Variants in GALNT2 observed in about 807,000 individuals in gnomAD.
GALNT2 encodes the protein polypeptide N-acetylgalactosaminyltransferase 2.
In GALNT2, 31 loss-of-function variants were observed where a neutral mutation model predicts 81.4. The ratio of observed to expected loss-of-function variants is 0.38; its 90% CI spans 0.29 to 0.51. The LOEUF (loss-of-function observed/expected upper bound fraction) is 0.51. Among genes scored for constraint, GALNT2 ranks in the 20% least tolerant of loss-of-function variants. GALNT2 has a pLI of 0.87. For missense variants in GALNT2, 629 were observed against 765.7 expected, an observed-to-expected ratio of 0.82 and a Z score of 2.11; for synonymous variants, 303 against 287.4, an observed-to-expected ratio of 1.05 and a Z score of -0.55.
At chr1:230,071,746 A>G (rs746884292) in intron 1 of GALNT2, among the ~76,000 whole-genome samples, 5 of 152,206 alleles carry the variant, frequency 3.3e-5, no homozygotes, top group Admixed American at 6.5e-5. Flanking sequence ...CAGGGAGGAC[A>G]GTAGCAGGGA....
intron 2 of GALNT2, among the ~76,000 whole-genome samples, chr1:230,182,897 A>G (rs1663205035): frequency 6.6e-6 from 1 of 152,336 alleles, no homozygotes; most frequent in Middle Eastern, 3.4e-3. Context: ...CATGAACTGC[A>G]TGGACATTTT....
At chr1:230,161,183 C>T (rs1199131040) in intron 1 of GALNT2, among the ~76,000 whole-genome samples, 1 of 152,198 alleles carries the variant, frequency 6.6e-6, no homozygotes, top group Non-Finnish European at 1.5e-5. Flanking sequence ...TCACGTGTGC[C>T]TTGTGGTCAA....
In GALNT2 at chr1:230,247,812, A is replaced by G. The variant is rs749028357; in HGVS notation, c.818-1372A>G. 5.3e-5 allele frequency among the ~76,000 whole-genome samples: 8 copies of G among 152,252 alleles called. 1 individual carries two copies. In the South Asian group the frequency reaches 1.7e-3, roughly 32 times the overall value. ...AAATCAAGGATGCCATTCTTAACAG[A>G]TCTTTAATCTGCTATAGCCTCTCTC... On this transcript the variant is annotated intron_variant, in intron 8 of 15. Transcript: ENST00000366672.
chr1:230,270,346 A>G (rs1274093946), intron 14 of GALNT2, among the ~76,000 whole-genome samples: 1 of 152,220 alleles, frequency 6.6e-6, no homozygotes, highest in Non-Finnish European at 1.5e-5. Context: ...GGAGCACCTT[A>G]CTGCCTGGGC....
At chr1:230,115,215 A>G (rs1660810153) in intron 1 of GALNT2, among the ~76,000 whole-genome samples, 1 of 152,066 alleles carries the variant, frequency 6.6e-6, no homozygotes, top group Admixed American at 6.6e-5. Flanking sequence ...TATCTTGGCC[A>G]TGCCGGTCTT....
intron 15 of GALNT2, among the ~76,000 whole-genome samples, chr1:230,277,525 G>C (rs1666333088): frequency 6.6e-6 from 1 of 152,172 alleles, no homozygotes; most frequent in Admixed American, 6.5e-5. Flanking sequence ...CAGCATGAGG[G>C]GTGATTGACA....
At chr1:230,058,937 T>G (rs181188057) in intron 1 of GALNT2, among the ~76,000 whole-genome samples, 1 of 152,306 alleles carries the variant, frequency 6.6e-6, no homozygotes, top group Non-Finnish European at 1.5e-5. Context: ...CTTCCATATC[T>G]TCTTTTTATA....
At chr1:230,095,039 C>T (rs1571955516) in intron 1 of GALNT2, among the ~76,000 whole-genome samples, 1 of 152,110 alleles carries the variant, frequency 6.6e-6, no homozygotes, top group African/African-American at 2.4e-5. Flanking sequence ...TACAAACTGG[C>T]CCTTCTGCTC....
chr1:230,209,355 C>G (rs991216267), intron 3 of GALNT2, among the ~76,000 whole-genome samples: 1 of 146,448 alleles, frequency 6.8e-6, no homozygotes, highest in Non-Finnish European at 1.5e-5. Context: ...TAAAGGGTGG[C>G]GCCCTGATCC....
chr1:230,172,670 TCCACTCCCCTGAC>T (rs1013531387), intron 1 of GALNT2, among the ~76,000 whole-genome samples: 11 of 152,176 alleles, frequency 7.2e-5, no homozygotes, highest in African/African-American at 2.7e-4. Flanking sequence ...CCTTTCCTCC[TCCACTCCCCTGAC>T]CACTTGCCTT....
intron 1 of GALNT2, among the ~76,000 whole-genome samples, chr1:230,160,712 TA>T (rs199499746): frequency 1.4e-5 from 2 of 141,866 alleles, no homozygotes; most frequent in Non-Finnish European, 3.1e-5. Context: ...AGACTCCATC[TA>T]AAAAAAAAAA....
At position 230,151,522 on chromosome 1, in the gene GALNT2, G is replaced by A. The variant is rs533367081; in HGVS notation, c.127-26696G>A. On this transcript the variant is annotated intron_variant, in intron 1 of 15. Transcript: ENST00000366672. Reference sequence around the variant, plus strand: ...AGAAGCAATGATTTTCTGACTACCCGGCCTCCCCAAGATAGCCCTGGGAGG... The same window carrying A: ...AGAAGCAATGATTTTCTGACTACCCAGCCTCCCCAAGATAGCCCTGGGAGG... Among the ~76,000 whole-genome samples the A allele has an allele frequency of 5.9e-5, 9 of 152,224 alleles. 1 individual carries two copies. The highest frequency in any genetic ancestry group is 1.9e-4 in the African/African-American group (8 of 41,526).
rs528051832 is a variant in GALNT2 at position 230,220,641 on chromosome 1, C to G, written c.375-15373C>G. ...TGCTTTTATGGAATCACTCAGTTAA[C>G]CCAGTTGACTGTAGAATCCTGTCTG... On this transcript the variant is annotated intron_variant, in intron 3 of 15. Transcript: ENST00000366672. 4.6e-5 allele frequency among the ~76,000 whole-genome samples: 7 copies of G among 152,232 alleles called. No individual in the cohort carries two copies. In the South Asian group the frequency reaches 1.5e-3, roughly 32 times the overall value.
At chr1:230,235,618 CAAGAA>C (rs1665003273) in intron 3 of GALNT2, among the ~76,000 whole-genome samples, 4 of 152,282 alleles carry the variant, frequency 2.6e-5, no homozygotes, top group East Asian at 3.9e-4. Context: ...ATGTAGAAAA[CAAGAA>C]AAGAGCAGTG....
Position 230,083,810 on chromosome 1 carries a change from A to T in GALNT2, c.126+16404A>T, listed in dbSNP as rs1047492572. Among the ~76,000 whole-genome samples the T allele has an allele frequency of 2.4e-4, 37 of 152,134 alleles. 1 individual carries two copies. Among genetic ancestry groups the T allele is most frequent in the African/African-American group, 4.8e-5 (2 of 41,432 alleles). On this transcript the variant is annotated intron_variant, in intron 1 of 15. Coordinates refer to ENST00000366672, the MANE Select transcript of GALNT2 (RefSeq NM_004481.5). ...TGTTCAGGACCAAGTAAAACTCTGT[A>T]AGAAAGGGTTGGAAATCCTGGTGGG...
intron 2 of GALNT2, among the ~76,000 whole-genome samples, chr1:230,182,763 G>A (rs767610756): frequency 6.6e-6 from 1 of 152,150 alleles, no homozygotes; most frequent in Non-Finnish European, 1.5e-5. Context: ...TGATGGTGTT[G>A]TTGAGTTCAA....
intron 1 of GALNT2, among the ~76,000 whole-genome samples, chr1:230,078,318 T>A (rs1235247405): frequency 6.6e-6 from 1 of 152,246 alleles, no homozygotes; most frequent in Non-Finnish European, 1.5e-5. Flanking sequence ...GCTGTTGAAG[T>A]TGACCAGTGG....
At chr1:230,174,180 C>T (rs992324916) in intron 1 of GALNT2, among the ~76,000 whole-genome samples, 6 of 152,194 alleles carry the variant, frequency 3.9e-5, no homozygotes, top group African/African-American at 1.4e-4. Context: ...AAGTTAGACT[C>T]CAACACCCAC....
chr1:230,181,399 G>C (rs1269919011), intron 2 of GALNT2, among the ~76,000 whole-genome samples: 2 of 152,016 alleles, frequency 1.3e-5, no homozygotes, highest in African/African-American at 2.4e-5. Context: ...TACGTTAATG[G>C]GTTTTCATTT....
Sources: allele counts gnomAD v4.1 joint callset (sites outside exome capture counted in the v4.1 genomes callset), GRCh38; gene constraint gnomAD v4.1.1; transcripts MANE v1.5; gene names NCBI Gene and HGNC (gene_info 2026-07-23, HGNC 2026-07-21).